Variants in HK3 observed in about 807,000 individuals in gnomAD.
The protein encoded by HK3 is hexokinase-3.
A neutral mutation model predicts 91.0 loss-of-function variants in HK3; 93 were observed. That is an observed-to-expected ratio of 1.02 (90% confidence interval 0.86 to 1.21). The LOEUF is 1.21. Ranked by LOEUF, HK3 falls within the 50% of genes most tolerant of loss-of-function variation. The pLI is 0.00. For missense variants in HK3, 1,235 were observed against 1,247.4 expected (o/e 0.99, Z 0.15); for synonymous variants, 519 against 516.9 (o/e 1.00, Z -0.06).
At chr5:176,886,771 A>T (rs946762716) in intron 13 of HK3, among the ~76,000 whole-genome samples, 6 of 152,196 alleles carry the variant, frequency 3.9e-5, no homozygotes, top group Admixed American at 6.5e-5. Context: ...CTGTCCTCTG[A>T]TCAGCCCCAG....
rs771884359 is a variant in HK3, at chr5:176,882,123, G to A, written c.2058C>T (p.Thr686=). The change falls in exon 16 of 19, where the codon ACC becomes ACT. Residue 686 remains threonine, a synonymous_variant. Transcript: ENST00000292432. ...PRCEIGLIVG[T]GTNACYMEEL... ...CCTCCATGTAGCAGGCATTGGTGCCGGTTCCTGCAGAGAGGCCAGACAACG... is the reference window on the plus strand; with the variant it reads ...CCTCCATGTAGCAGGCATTGGTGCCAGTTCCTGCAGAGAGGCCAGACAACG... The A allele has an allele frequency of 1.5e-5, 24 of 1,612,644 alleles. No individual in the cohort carries two copies. Among genetic ancestry groups the A allele is most frequent in the South Asian group, 5.5e-5 (5 of 91,072 alleles).
Position 176,888,713 on chromosome 5 carries a change from C to G in HK3, c.1066G>C (p.Glu356Gln), listed in dbSNP as rs766135154. The G allele has an allele frequency of 2.4e-5, 39 of 1,614,232 alleles. 1 individual carries two copies. The South Asian group carries it at 4.2e-4, about 17-fold the overall frequency. The stretch of plus-strand genomic sequence containing the variant: ...ACCACCATCTCCCCGACTCACTCCT[C>G]CATCTCAGCCACGTGTTCCAGGAGG... Reference protein sequence around the residue: ...SILLEHVAEMEDPSTGAARVH... With the variant: ...SILLEHVAEMQDPSTGAARVH... The change falls in exon 9 of 19, where the codon GAG (glutamate) becomes CAG (glutamine). Residue 356 changes from glutamate (E) to glutamine (Q), a missense_variant. Physicochemically the swap from Glu to Gln is conservative, Grantham distance 29. Around this residue, in one of 3 missense-constraint regions of HK3, gnomAD observed 717 missense variants for 751.6 expected, o/e 0.95. Transcript: ENST00000292432.
At position 176,887,768 on chromosome 5, in the gene HK3, C is replaced by G; in HGVS notation, c.1305-22G>C. 1.3e-6 allele frequency: 2 copies of G among 1,579,684 alleles called. No homozygotes were observed. The highest frequency in any genetic ancestry group is 1.3e-5 in the African/African-American group (1 of 74,562). On this transcript the variant is annotated intron_variant, in intron 10 of 18. Transcript: ENST00000292432. This position sits in a 1 kb window ranked among gnomAD's most constrained non-coding sequence, Gnocchi z 4.9. ...GAACCTACAGATACATACAGGTGCA[C>G]CCGGCTTGGCCCTGGACCCCCAGAC...
At chr5:176,898,749 C>T (rs1484815015) in intron 1 of HK3, among the ~76,000 whole-genome samples, 3 of 152,224 alleles carry the variant, frequency 2.0e-5, no homozygotes, top group Non-Finnish European at 4.4e-5. Flanking sequence ...GGCCCCGTGG[C>T]TTCCCTTAGC....
chr5:176,888,837 G>A lies in HK3; in HGVS notation c.942C>T (p.Tyr314=). ...QRFEKMIGGL[Y]LGELVRLVLA... is the part of the protein sequence containing the mutation. ...GCACCAGCCGCACCAGCTCACCCAG[G>A]TACAGGCCTCCGATCATCTTCTCAA... is the stretch of plus-strand genomic sequence containing the variant. The change falls in exon 9 of 19, where the codon TAC becomes TAT. Residue 314 remains tyrosine (Y), a synonymous_variant. Transcript: ENST00000292432. 4 of 1,614,148 alleles carry A rather than the reference G, an allele frequency of 2.5e-6. No individual in the cohort carries two copies. The highest frequency in any genetic ancestry group is 2.5e-6 in the Non-Finnish European group (3 of 1,180,012).
At chr5:176,895,507 A>T (rs1758888357) in intron 2 of HK3, among the ~76,000 whole-genome samples, 1 of 152,242 alleles carries the variant, frequency 6.6e-6, no homozygotes, top group African/African-American at 2.4e-5. Context: ...TTCCTGCTCA[A>T]GGGTGTGGTA....
intron 14 of HK3, 63 bp from the exon 15 acceptor site, chr5:176,883,932 AC>A: frequency 6.3e-7 from 1 of 1,587,850 alleles, no homozygotes; most frequent in Non-Finnish European, 8.6e-7. Flanking sequence ...CCAGCACTGG[AC>A]CCAGAGGTCT....
rs1758637499 is a variant in HK3, at chr5:176,887,690, G to C, written c.1361C>G (p.Ser454Cys). ...ACCACCATCCACAGAGGGGATTAAG[G>C]AGACATCGCATTCCGGGGCCAGGAG... ...VMLLAPECDV[S>C]LIPSVDGGGR... Residue 454 changes from serine (S) to cysteine (C), a missense_variant, in exon 11 of 19, where the codon TCC (serine) becomes TGC (cysteine). By Grantham distance (112) the Ser-to-Cys change is moderately radical (BLOSUM62 -1). This residue lies in a region of HK3 where 717 missense variants were observed against 751.6 expected (regional missense o/e 0.95). Transcript: ENST00000292432. The surrounding 1 kb of genome is among the most constrained non-coding windows in gnomAD (Gnocchi z 4.9). The C allele has an allele frequency of 5.0e-6, 8 of 1,613,486 alleles. No individual in the cohort carries two copies. Among genetic ancestry groups the C allele is most frequent in the Non-Finnish European group, 6.8e-6 (8 of 1,179,598 alleles).
At chr5:176,895,057 C>T (rs1019018811) in intron 2 of HK3, among the ~76,000 whole-genome samples, 4 of 143,898 alleles carry the variant, frequency 2.8e-5, no homozygotes, top group African/African-American at 1.0e-4. Context: ...GATTACAGGC[C>T]TGAGCCACTG....
At chr5:176,883,937 G>A in intron 14 of HK3, 68 bp from the exon 15 acceptor site, 4 of 1,587,084 alleles carry the variant, frequency 2.5e-6, no homozygotes, top group Admixed American at 1.7e-5. Flanking sequence ...ACTGGACCCA[G>A]AGGTCTCTAC....
Position 176,888,556 on chromosome 5 carries a change from A to C in HK3, c.1080T>G (p.Thr360=). ...EHVAEMEDPS[T]GAARVHAILQ... is the part of the protein sequence containing the mutation. ...GGATAGCATGGACACGGGCTGCCCC[A>C]GTAGAGGGGCTGGAGGGGAAAGGGA... The change falls in exon 10 of 19, where the codon ACT becomes ACG. Residue 360 remains threonine (T), a synonymous_variant. Transcript: ENST00000292432. 6.4e-7 allele frequency: 1 copy of C among 1,565,364 alleles called. No homozygotes were observed.
chr5:176,883,892 A>G (rs201414393), intron 14 of HK3, 23 bp from the exon 15 acceptor site: 1 of 1,611,352 alleles, frequency 6.2e-7, no homozygotes, highest in East Asian at 2.2e-5. Context: ...GGATGCTGCT[A>G]GTTGCTGGGC....
At chr5:176,882,962 C>T (rs566105896) in intron 15 of HK3, among the ~76,000 whole-genome samples, 33 of 152,294 alleles carry the variant, frequency 2.2e-4, no homozygotes, top group Admixed American at 1.4e-3. Context: ...CCACATGCCT[C>T]GTGTTGAGAG....
chr5:176,882,580 G>T (rs7716812), intron 15 of HK3, among the ~76,000 whole-genome samples: 1 of 152,148 alleles, frequency 6.6e-6, no homozygotes, highest in African/African-American at 2.4e-5. Context: ...TCTGGCCAGA[G>T]GTCAGGCAAT....
At chr5:176,886,828 C>T (rs1437286119) in intron 13 of HK3, among the ~76,000 whole-genome samples, 174 bp downstream of exon 13, 1 of 152,212 alleles carries the variant, frequency 6.6e-6, no homozygotes, top group East Asian at 1.9e-4. Context: ...AACCCTGGGC[C>T]TACCCTGTCT....
chr5:176,883,391 C>T (rs1315994570), intron 15 of HK3, among the ~76,000 whole-genome samples: 1 of 152,226 alleles, frequency 6.6e-6, no homozygotes, highest in Non-Finnish European at 1.5e-5. Flanking sequence ...CCTCATGATG[C>T]CTTGAGACAG....
At chr5:176,890,479 A>G (rs1758735252) in intron 6 of HK3, among the ~76,000 whole-genome samples, 156 bp downstream of exon 6, 1 of 152,242 alleles carries the variant, frequency 6.6e-6, no homozygotes, top group Non-Finnish European at 1.5e-5. Flanking sequence ...TGGTAGCAAC[A>G]TGTACCATGT....
intron 6 of HK3, 57 bp downstream of exon 6, chr5:176,890,578 G>T: frequency 1.4e-6 from 2 of 1,463,200 alleles, no homozygotes. Context: ...CCCAACGCAT[G>T]TGTGCCAGGC....
chr5:176,883,627 C>T (rs1210631718), intron 15 of HK3, 143 bp downstream of exon 15: 12 of 646,746 alleles, frequency 1.9e-5, no homozygotes, highest in Non-Finnish European at 3.0e-5. Flanking sequence ...ACTGCCAGCC[C>T]AAGAGATTGT....
Sources: gnomAD v4.1 joint callset for allele counts (sites outside exome capture counted in the v4.1 genomes callset) on GRCh38, gnomAD v4.1.1 for gene constraint, gnomAD v4.1.1 regional missense constraint, Gnocchi (gnomAD v3.1) non-coding constraint, MANE v1.5 for transcripts, NCBI Gene and HGNC (gene_info 2026-07-23, HGNC 2026-07-21) for gene names.